FNTB: variants seen among roughly 807,000 people sequenced by gnomAD.
The protein encoded by FNTB is protein farnesyltransferase subunit beta.
Under a neutral mutation model 59.4 loss-of-function variants are expected in FNTB, and 27 were observed. That is an observed-to-expected ratio of 0.45 (90% confidence interval 0.34 to 0.63). The LOEUF is 0.63. Ranked by LOEUF, FNTB falls within the 20% of genes least tolerant of loss-of-function variation. The pLI is 0.02. For missense variants in FNTB, 449 were observed against 559.6 expected (o/e 0.80, Z 1.99); for synonymous variants, 230 against 220.7 (o/e 1.04, Z -0.37).
chr14:64,999,789 A>G (rs1216019623), intron 1 of FNTB, among the ~76,000 whole-genome samples: 1 of 152,250 alleles, frequency 6.6e-6, no homozygotes, highest in Non-Finnish European at 1.5e-5. Flanking sequence ...GATAGTCATC[A>G]GAATTCATAA....
At chr14:65,005,226 T>G (rs2061561853) in intron 2 of FNTB, among the ~76,000 whole-genome samples, 1 of 152,200 alleles carries the variant, frequency 6.6e-6, no homozygotes, top group Non-Finnish European at 1.5e-5. Flanking sequence ...AGGAAAAAAT[T>G]TATTATTTAA....
chr14:65,010,098 T>A (rs925038670), intron 2 of FNTB, among the ~76,000 whole-genome samples: 3 of 152,200 alleles, frequency 2.0e-5, no homozygotes, highest in South Asian at 2.1e-4. Flanking sequence ...TTCTGTGGTT[T>A]GTTGTCTTTT....
rs529677624 is a variant in FNTB, at chr14:64,991,149, A to C, written c.144+4052A>C. Among the ~76,000 whole-genome samples, 1 of 152,320 alleles carries C rather than the reference A, an allele frequency of 6.6e-6. No homozygotes were observed. The highest frequency in any genetic ancestry group is 2.1e-4 in the South Asian group (1 of 4,830). The stretch of plus-strand genomic sequence containing the variant: ...TTTTTCTTTGAGTTTGTCTTTGAAC[A>C]GAGGCAAACGCGTCCTCCACTTTAA... On this transcript the variant is annotated intron_variant, in intron 1 of 11. Coordinates refer to ENST00000246166, the MANE Select transcript of FNTB (RefSeq NM_002028.4). The surrounding 1 kb of genome is among the most constrained non-coding windows in gnomAD (Gnocchi z 4.4).
At chr14:64,993,735 T>C (rs1888290396) in intron 1 of FNTB, among the ~76,000 whole-genome samples, 1 of 152,198 alleles carries the variant, frequency 6.6e-6, no homozygotes, top group African/African-American at 2.4e-5. Context: ...CCTCATGAGA[T>C]TGGCTTTAGA....
intron 9 of FNTB, among the ~76,000 whole-genome samples, chr14:65,046,097 C>A (rs931745133): frequency 1.1e-4 from 17 of 152,184 alleles, no homozygotes; most frequent in African/African-American, 3.9e-4. Context: ...CTGCCTTAGC[C>A]TCCTAAATAG....
rs1055867171 is a variant in FNTB, at chr14:65,044,860, G to C, written c.955+417G>C. The C allele has an allele frequency of 1.3e-5, 2 of 152,762 alleles. No individual in the cohort carries two copies. Among genetic ancestry groups the C allele is most frequent in the Admixed American group, 6.9e-5 (1 of 14,492 alleles). The allele number at this position is 152,762 out of a possible 1,614,324, so 9.5% of individuals were successfully genotyped here. On this transcript the variant is annotated intron_variant, in intron 9 of 11. Coordinates refer to ENST00000246166, the MANE Select transcript of FNTB (RefSeq NM_002028.4). The surrounding 1 kb of genome is among the most constrained non-coding windows in gnomAD (Gnocchi z 5.5). ...CAACAGCAACAGGAAAGGCAACTGC[G>C]TAAAGGGGTAGAGAACCAGAACCCA... is the stretch of plus-strand genomic sequence containing the variant.
At chr14:65,037,452 G>A (rs1342761063) in intron 7 of FNTB, among the ~76,000 whole-genome samples, 14 of 25,654 alleles carry the variant, frequency 5.5e-4, no homozygotes, top group Admixed American at 2.2e-3. Flanking sequence ...TTTTTGAGAC[G>A]TCTCTTTTTG....
At chr14:65,046,558 G>A (rs916788636) in intron 9 of FNTB, among the ~76,000 whole-genome samples, 2 of 152,204 alleles carry the variant, frequency 1.3e-5, no homozygotes, top group Non-Finnish European at 1.5e-5. Flanking sequence ...GGGTGCCTAT[G>A]AATCTTGGTG....
At chr14:65,005,510 TTTC>T (rs2061572105) in intron 2 of FNTB, among the ~76,000 whole-genome samples, 1 of 68,924 alleles carries the variant, frequency 1.5e-5, no homozygotes, top group African/African-American at 7.2e-5. Flanking sequence ...TCTTTCTTTC[TTTC>T]TCTCTCTCTT....
In FNTB at chr14:65,020,472, C is replaced by T. The variant is rs137953315; in HGVS notation, c.374+4756C>T. Reference sequence around the variant, plus strand: ...TGAGAGTCTCGCTCTGTTGCCCAGACTGGAGTGCAGTGGCACGATCTTGGC... The same window carrying T: ...TGAGAGTCTCGCTCTGTTGCCCAGATTGGAGTGCAGTGGCACGATCTTGGC... On this transcript the variant is annotated intron_variant, in intron 4 of 11. Transcript: ENST00000246166. Among the ~76,000 whole-genome samples, 486 of 152,252 alleles carry T rather than the reference C, an allele frequency of 3.2e-3. 2 individuals are homozygous for T. The highest frequency in any genetic ancestry group is 0.011 in the African/African-American group (455 of 41,562).
intron 9 of FNTB, among the ~76,000 whole-genome samples, chr14:65,051,055 G>A (rs2062595875): frequency 6.6e-6 from 1 of 152,244 alleles, no homozygotes; most frequent in South Asian, 2.1e-4. Context: ...AATAGTGCAA[G>A]TGTATCAAAG....
rs532050271 is a variant in FNTB at position 65,030,908 on chromosome 14, A to G, written c.606-1702A>G. On this transcript the variant is annotated intron_variant, in intron 6 of 11. Coordinates refer to ENST00000246166, the MANE Select transcript of FNTB (RefSeq NM_002028.4). This position sits in a 1 kb window ranked among gnomAD's most constrained non-coding sequence, Gnocchi z 4.5. ...CTGCAACCTCTGTCTCTGGGGTTCAAACGATTCTCCTGCCTCGGTCTCCCA... is the reference window on the plus strand; with the variant it reads ...CTGCAACCTCTGTCTCTGGGGTTCAGACGATTCTCCTGCCTCGGTCTCCCA... Among the ~76,000 whole-genome samples, 13 of 152,110 alleles carry G rather than the reference A, an allele frequency of 8.5e-5. No homozygotes were observed. The highest frequency in any genetic ancestry group is 1.6e-4 in the Non-Finnish European group (11 of 68,016).
intron 9 of FNTB, 31 bp from the exon 10 acceptor site, chr14:65,053,207 G>C (rs761375532): frequency 2.2e-6 from 3 of 1,343,940 alleles, no homozygotes; most frequent in Non-Finnish European, 2.9e-6. Context: ...TGGATCTGCC[G>C]GGCCCTTACT....
rs898194858 is a variant in FNTB at position 65,012,573 on chromosome 14, T to C, written c.282+184T>C. ...GACTCAGCCCTGAAAGGGCAGAACC[T>C]AGTCTCTTCCAGAGTGAGTGGAGCA... On this transcript the variant is annotated intron_variant, in intron 3 of 11. Coordinates refer to ENST00000246166, the MANE Select transcript of FNTB (RefSeq NM_002028.4). The surrounding 1 kb of genome is among the most constrained non-coding windows in gnomAD (Gnocchi z 5.0). Among the ~76,000 whole-genome samples the C allele has an allele frequency of 1.3e-5, 2 of 152,232 alleles. No individual in the cohort carries two copies. Among genetic ancestry groups the C allele is most frequent in the African/African-American group, 4.8e-5 (2 of 41,462 alleles).
intron 4 of FNTB, among the ~76,000 whole-genome samples, chr14:65,016,920 GT>G (rs34191835): frequency 0.011 from 1,220 of 114,830 alleles, 11 homozygotes; most frequent in African/African-American, 0.026. Context: ...GGCCCACGTG[GT>G]TTTTTTTTTT....
Position 65,041,639 on chromosome 14 carries a change from C to G in FNTB, c.822+720C>G, listed in dbSNP as rs367759258. On this transcript the variant is annotated intron_variant, in intron 8 of 11. Coordinates refer to ENST00000246166, the MANE Select transcript of FNTB (RefSeq NM_002028.4). Reference sequence around the variant, plus strand: ...GTTCAGATGCCAGCCTCCCGTTATGCGGCCCATCGTGAGCTTCCTGGAGAG... The same window carrying G: ...GTTCAGATGCCAGCCTCCCGTTATGGGGCCCATCGTGAGCTTCCTGGAGAG... Among the ~76,000 whole-genome samples the G allele has an allele frequency of 6.6e-5, 10 of 152,278 alleles. No individual in the cohort carries two copies. In the South Asian group the frequency reaches 2.1e-3, roughly 32 times the overall value.
Position 65,032,425 on chromosome 14 carries a change from A to T in FNTB, c.606-185A>T. ...TTTCACTGAAGCCATGCCGTGAGCA[A>T]CTCTATCCAAATAGAATGTCACACC... On this transcript the variant is annotated intron_variant, in intron 6 of 11. Coordinates refer to ENST00000246166, the MANE Select transcript of FNTB (RefSeq NM_002028.4). This position sits in a 1 kb window ranked among gnomAD's most constrained non-coding sequence, Gnocchi z 5.0. The T allele has an allele frequency of 1.9e-6, 1 of 522,834 alleles. No homozygotes were observed. The allele number at this position is 522,834 out of a possible 1,614,324, so 32.4% of individuals were successfully genotyped here.
intron 9 of FNTB, among the ~76,000 whole-genome samples, chr14:65,051,961 AT>A (rs368574493): frequency 2.0e-5 from 3 of 151,700 alleles, no homozygotes; most frequent in East Asian, 2.0e-4. Context: ...TGTCCGGCTA[AT>A]TTTTTTGTAT....
chr14:65,038,673 G>A (rs2062271692), intron 7 of FNTB, among the ~76,000 whole-genome samples: 1 of 152,170 alleles, frequency 6.6e-6, no homozygotes, highest in Admixed American at 6.5e-5. Context: ...AGCCAAGATT[G>A]TGCCACTGTA....
Sources: gnomAD v4.1 joint callset for allele counts (sites outside exome capture counted in the v4.1 genomes callset) on GRCh38, gnomAD v4.1.1 for gene constraint, Gnocchi (gnomAD v3.1) non-coding constraint, MANE v1.5 for transcripts, NCBI Gene and HGNC (gene_info 2026-07-23, HGNC 2026-07-21) for gene names.